TMEM232: variants seen among roughly 807,000 people sequenced by gnomAD.
The protein encoded by TMEM232 is transmembrane protein 232.
A neutral mutation model predicts 78.8 loss-of-function variants in TMEM232; 80 were observed. That is an observed-to-expected ratio of 1.01 (90% CI 0.85 to 1.22). TMEM232 has a LOEUF of 1.22. Ranked by LOEUF, TMEM232 falls within the 50% of genes most tolerant of loss-of-function variation. The probability of loss-of-function intolerance (pLI) is 0.00; values close to 1 mark genes in which losing one functional copy is unlikely to be tolerated. For synonymous variants in TMEM232, 297 were observed against 254.3 expected, an observed-to-expected ratio of 1.17 and a Z score of -1.60; for missense variants, 881 against 742.2, an observed-to-expected ratio of 1.19 and a Z score of -2.17.
At chr5:110,685,171 G>A (rs1030745136) in intron 1 of TMEM232, among the ~76,000 whole-genome samples, 2 of 152,034 alleles carry the variant, frequency 1.3e-5, no homozygotes, top group African/African-American at 4.8e-5. Context: ...AGAATTAAAT[G>A]ATAGTAAAAT....
chr5:110,438,660 C>T (rs375966390), intron 12 of TMEM232, among the ~76,000 whole-genome samples: 82 of 152,140 alleles, frequency 5.4e-4, no homozygotes, highest in South Asian at 3.5e-3. Flanking sequence ...GACCAGAAGT[C>T]AGAATTCAAA....
intron 2 of TMEM232, among the ~76,000 whole-genome samples, chr5:110,407,058 A>G (rs1354400376): frequency 6.6e-6 from 1 of 152,158 alleles, no homozygotes; most frequent in Non-Finnish European, 1.5e-5. Context: ...AAAGGAAGAC[A>G]ATAAGAAAGG....
intron 1 of TMEM232, among the ~76,000 whole-genome samples, chr5:110,735,344 A>G (rs1799049761): frequency 6.6e-6 from 1 of 152,212 alleles, no homozygotes; most frequent in African/African-American, 2.4e-5. Flanking sequence ...GGACTTTCGA[A>G]AATATGTATT....
chr5:110,699,497 C>T (rs1013265759), intron 1 of TMEM232, among the ~76,000 whole-genome samples: 2 of 152,080 alleles, frequency 1.3e-5, no homozygotes, highest in Middle Eastern at 3.4e-3. Context: ...GATCCCGAAA[C>T]TGGTTTACTT....
In TMEM232 at chr5:110,419,813, T is replaced by C. The variant is rs938919051; in HGVS notation, c.*767A>G. On this transcript the variant is annotated 3_prime_UTR_variant, in exon 14 of 14. Coordinates refer to ENST00000455884, the MANE Select transcript of TMEM232 (RefSeq NM_001039763.4). ...AAGGAATATAAGACATCACAAAAAC[T>C]CCACCCTATTACTCTTACTCATAGG... Among the ~76,000 whole-genome samples, 2 of 152,090 alleles carry C rather than the reference T, an allele frequency of 1.3e-5. No individual in the cohort carries two copies. The highest frequency in any genetic ancestry group is 2.4e-5 in the African/African-American group (1 of 41,444).
chr5:110,499,627 A>ACCCCCC (rs140788823), intron 12 of TMEM232, among the ~76,000 whole-genome samples: 8 of 119,492 alleles, frequency 6.7e-5, no homozygotes, highest in African/African-American at 3.6e-4. Flanking sequence ...ATATGTATAC[A>ACCCCCC]CCCCCCCCCA....
intron 12 of TMEM232, among the ~76,000 whole-genome samples, chr5:110,460,889 C>G (rs905226772): frequency 6.6e-6 from 1 of 151,988 alleles, no homozygotes; most frequent in Non-Finnish European, 1.5e-5. Context: ...GTCACATACT[C>G]TGTCTATAGA....
chr5:110,566,267 A>G (rs1273877486), intron 11 of TMEM232, among the ~76,000 whole-genome samples: 1 of 151,900 alleles, frequency 6.6e-6, no homozygotes, highest in Non-Finnish European at 1.5e-5. Context: ...TAGGCCTCCA[A>G]GACTGTGATG....
intron 10 of TMEM232, among the ~76,000 whole-genome samples, chr5:110,579,849 C>T (rs1344227511): frequency 1.3e-5 from 2 of 151,460 alleles, no homozygotes; most frequent in African/African-American, 2.4e-5. Context: ...GATTAAACTT[C>T]CCAATCAAAA....
At chr5:110,625,819 C>T (rs1029527417) in intron 6 of TMEM232, among the ~76,000 whole-genome samples, 6 of 151,872 alleles carry the variant, frequency 4.0e-5, no homozygotes, top group African/African-American at 1.4e-4. Flanking sequence ...TCTAGACAAA[C>T]ATTCTCCAGT....
chr5:110,632,780 T>C (rs561753839), intron 5 of TMEM232, among the ~76,000 whole-genome samples: 5 of 152,204 alleles, frequency 3.3e-5, no homozygotes, highest in African/African-American at 2.4e-5. Context: ...ACCAAATACA[T>C]GAATTATTGG....
At chr5:110,517,941 C>T (rs1372327492) in intron 12 of TMEM232, among the ~76,000 whole-genome samples, 1 of 152,144 alleles carries the variant, frequency 6.6e-6, no homozygotes, top group East Asian at 1.9e-4. Flanking sequence ...TCTTCTCTAA[C>T]TTTGCATATT....
At chr5:110,700,419 A>G (rs1191270331) in intron 1 of TMEM232, among the ~76,000 whole-genome samples, 1 of 152,022 alleles carries the variant, frequency 6.6e-6, no homozygotes, top group Non-Finnish European at 1.5e-5. Flanking sequence ...GGAAACTGAT[A>G]AACTGACCAA....
intron 10 of TMEM232, among the ~76,000 whole-genome samples, chr5:110,601,274 T>G (rs1289717306): frequency 6.6e-6 from 1 of 152,106 alleles, no homozygotes; most frequent in Admixed American, 6.6e-5. Flanking sequence ...CCACTCCTAT[T>G]CAACATAGTA....
In TMEM232 at chr5:110,683,095, G is replaced by A. The variant is rs138829701; in HGVS notation, c.-12-15731C>T. Among the ~76,000 whole-genome samples the A allele has an allele frequency of 2.0e-3, 306 of 152,062 alleles. 2 individuals are homozygous for A. Among genetic ancestry groups the A allele is most frequent in the African/African-American group, 7.0e-3 (290 of 41,484 alleles). On this transcript the variant is annotated intron_variant, in intron 1 of 13. Coordinates refer to ENST00000455884, the MANE Select transcript of TMEM232 (RefSeq NM_001039763.4). ...GTTAATGGGACCTTACTATCCAAGT[G>A]GAAAGGAACACTTATTACTTATTAT...
chr5:110,694,131 G>C (rs1794476893), intron 1 of TMEM232, among the ~76,000 whole-genome samples: 1 of 152,096 alleles, frequency 6.6e-6, no homozygotes, highest in African/African-American at 2.4e-5. Context: ...CAAGCCAGAA[G>C]AGAGTGAGGG....
chr5:110,549,724 C>A (rs181325884), intron 11 of TMEM232, among the ~76,000 whole-genome samples: 94 of 151,328 alleles, frequency 6.2e-4, no homozygotes, highest in African/African-American at 2.2e-3. Context: ...GGATATCACA[C>A]CAGATTTTAA....
intron 1 of TMEM232, among the ~76,000 whole-genome samples, chr5:110,677,288 A>G (rs1444549133): frequency 6.6e-6 from 1 of 151,500 alleles, no homozygotes; most frequent in Non-Finnish European, 1.5e-5. Flanking sequence ...TATAATGGAT[A>G]TTAACCTTTT....
chr5:110,531,415 T>C (rs1771452237), intron 11 of TMEM232, among the ~76,000 whole-genome samples: 1 of 152,192 alleles, frequency 6.6e-6, no homozygotes, highest in African/African-American at 2.4e-5. Flanking sequence ...GTGAGAAAGA[T>C]CCACCTATCA....
Sources: gnomAD v4.1 joint callset for allele counts (sites outside exome capture counted in the v4.1 genomes callset) on GRCh38, gnomAD v4.1.1 for gene constraint, MANE v1.5 for transcripts, NCBI Gene and HGNC (gene_info 2026-07-23, HGNC 2026-07-21) for gene names.